The following CSTF3 variants were observed in gnomAD, a reference collection of about 807,000 sequenced individuals.
CSTF3 encodes cleavage stimulation factor subunit 3.
In CSTF3, 29 loss-of-function variants were observed where a neutral mutation model predicts 105.8. The observed-to-expected ratio is 0.27, with a 90% confidence interval of 0.20 to 0.37. The LOEUF is 0.37. CSTF3 is among the 10% of genes least tolerant of loss of function. The pLI, the probability that CSTF3 is intolerant of heterozygous loss-of-function variation, is 1.00. For missense variants in CSTF3, 357 were observed against 879.3 expected, an observed-to-expected ratio of 0.41 and a Z score of 7.51; for synonymous variants, 252 against 281.9, an observed-to-expected ratio of 0.89 and a Z score of 1.06.
In CSTF3 at chr11:33,158,640, T is replaced by C. The variant is rs1354199797; in HGVS notation, c.27+2659A>G. ...AATGAGATCACCCTAAACCAAGTGA[T>C]CAAACTTAACCATCCTAACAGAACC... On this transcript the variant is annotated intron_variant, in intron 1 of 20. Coordinates refer to ENST00000323959, the MANE Select transcript of CSTF3 (RefSeq NM_001326.3). Among the ~76,000 whole-genome samples, 11 of 152,312 alleles carry C rather than the reference T, an allele frequency of 7.2e-5. No individual in the cohort carries two copies. In the East Asian group the frequency reaches 1.7e-3, roughly 24 times the overall value.
chr11:33,093,819 C>T (rs767751230), intron 15 of CSTF3, among the ~76,000 whole-genome samples: 5 of 152,000 alleles, frequency 3.3e-5, no homozygotes, highest in Non-Finnish European at 5.9e-5. Flanking sequence ...GCGATTCTTC[C>T]GCCTCAGCCT....
intron 3 of CSTF3, among the ~76,000 whole-genome samples, chr11:33,135,695 G>T (rs1855646132): frequency 6.6e-6 from 1 of 152,124 alleles, no homozygotes; most frequent in Non-Finnish European, 1.5e-5. Context: ...AAAATGTACA[G>T]TAGTCATAGT....
chr11:33,121,178 A>G (rs1333266355), intron 3 of CSTF3, among the ~76,000 whole-genome samples: 2 of 152,134 alleles, frequency 1.3e-5, no homozygotes, highest in Non-Finnish European at 2.9e-5. Flanking sequence ...AAGTAGACAT[A>G]GCTAACCAAT....
chr11:33,104,136 T>C (rs1159961290), intron 8 of CSTF3, among the ~76,000 whole-genome samples: 1 of 152,162 alleles, frequency 6.6e-6, no homozygotes, highest in East Asian at 1.9e-4. Flanking sequence ...TAATAGCCCT[T>C]TTCTAACTAG....
At chr11:33,130,181 T>G (rs1323021983) in intron 3 of CSTF3, among the ~76,000 whole-genome samples, 2 of 152,146 alleles carry the variant, frequency 1.3e-5, no homozygotes, top group African/African-American at 4.8e-5. Flanking sequence ...AAAAACTTCC[T>G]TTTAGATCAG....
chr11:33,109,236 C>T (rs1473996822), intron 3 of CSTF3, among the ~76,000 whole-genome samples: 2 of 152,138 alleles, frequency 1.3e-5, no homozygotes, highest in African/African-American at 4.8e-5. Context: ...GGGTTAGGTG[C>T]TCAACTGTGT....
In CSTF3 at chr11:33,087,152, A is replaced by G. The variant is rs1855114085; in HGVS notation, c.1642-11T>C. Reference sequence around the variant, plus strand: ...AGCACGGGAGACATCCTGAAAATGCAGAACAGAAGAATCCTAAACCTGAAA... The same window carrying G: ...AGCACGGGAGACATCCTGAAAATGCGGAACAGAAGAATCCTAAACCTGAAA... On this transcript the variant is annotated splice_polypyrimidine_tract_variant and intron_variant, in intron 17 of 20. Transcript: ENST00000323959. 6.2e-7 allele frequency: 1 copy of G among 1,613,616 alleles called. No individual in the cohort carries two copies. The highest frequency in any genetic ancestry group is 1.3e-5 in the African/African-American group (1 of 74,890).
chr11:33,157,221 G>A (rs970521064), intron 1 of CSTF3, among the ~76,000 whole-genome samples: 30 of 152,280 alleles, frequency 2.0e-4, no homozygotes, highest in Non-Finnish European at 2.1e-4. Flanking sequence ...CGGGCATTGT[G>A]GCGTGTGCTT....
rs1345599245 is a variant in CSTF3 at position 33,085,090 on chromosome 11, C to T, written c.2151G>A (p.Arg717=). 3 of 1,614,128 alleles carry T rather than the reference C, an allele frequency of 1.9e-6. No individual in the cohort carries two copies. The highest frequency in any genetic ancestry group is 2.5e-6 in the Non-Finnish European group (3 of 1,179,988). Residue 717 remains arginine, a synonymous_variant, in exon 21 of 21, where the codon CGG becomes CGA. Coordinates refer to ENST00000323959, the MANE Select transcript of CSTF3 (RefSeq NM_001326.3). ...TTCTGCAGAGGCGTTTAAAACCCTA[C>T]CGAATCCGCTTCTGCTGCCGTGCTC... The part of the protein sequence containing the change: ...IYRARQQKRI[R]
At chr11:33,087,192 G>A in intron 17 of CSTF3, 51 bp from the exon 18 acceptor site, 1 of 1,582,194 alleles carries the variant, frequency 6.3e-7, no homozygotes, top group Non-Finnish European at 8.7e-7. Flanking sequence ...GACTACTAGA[G>A]AATAATCATG....
At chr11:33,160,876 AAAT>A (rs1398256998) in intron 1 of CSTF3, among the ~76,000 whole-genome samples, 2 of 152,180 alleles carry the variant, frequency 1.3e-5, no homozygotes, top group Non-Finnish European at 2.9e-5. Flanking sequence ...GCTTTGTCTC[AAAT>A]ATTTCTCAAA....
chr11:33,128,739 TC>T (rs1178673930), intron 3 of CSTF3, among the ~76,000 whole-genome samples: 1 of 152,126 alleles, frequency 6.6e-6, no homozygotes, highest in Non-Finnish European at 1.5e-5. Context: ...GAAGCAAAAT[TC>T]AGCTTAAAAA....
At chr11:33,087,271 C>T in intron 17 of CSTF3, 130 bp from the exon 18 acceptor site, 1 of 892,432 alleles carries the variant, frequency 1.1e-6, no homozygotes, top group Non-Finnish European at 1.7e-6. Context: ...GACGGATAAG[C>T]AAGGACTCTA....
chr11:33,156,242 A>G (rs1849864122), intron 1 of CSTF3, among the ~76,000 whole-genome samples: 1 of 152,194 alleles, frequency 6.6e-6, no homozygotes, highest in Non-Finnish European at 1.5e-5. Flanking sequence ...GCTGTTACAG[A>G]AAGATTTTGG....
chr11:33,128,602 G>C (rs939474095), intron 3 of CSTF3, among the ~76,000 whole-genome samples: 3 of 151,966 alleles, frequency 2.0e-5, no homozygotes, highest in African/African-American at 7.3e-5. Context: ...TCACTGCTTA[G>C]TTACAATTCT....
intron 1 of CSTF3, among the ~76,000 whole-genome samples, chr11:33,144,199 A>G (rs1283491863): frequency 1.3e-5 from 2 of 152,152 alleles, no homozygotes; most frequent in Non-Finnish European, 2.9e-5. Flanking sequence ...AAAGTTTAAA[A>G]AAAGTATCTG....
At chr11:33,154,468 G>A (rs1381483852) in intron 1 of CSTF3, among the ~76,000 whole-genome samples, 2 of 149,850 alleles carry the variant, frequency 1.3e-5, no homozygotes, top group Admixed American at 6.6e-5. Context: ...AAAGTAGACC[G>A]GAGTAGCACT....
chr11:33,131,720 C>T (rs1041178471), intron 3 of CSTF3, among the ~76,000 whole-genome samples: 47 of 151,492 alleles, frequency 3.1e-4, no homozygotes, highest in African/African-American at 1.1e-3. Flanking sequence ...GGAGTGGTGG[C>T]GGGCGCCTGT....
chr11:33,090,473 A>G (rs1855158080), intron 17 of CSTF3, 59 bp downstream of exon 17: 2 of 1,014,794 alleles, frequency 2.0e-6, no homozygotes, highest in Non-Finnish European at 2.7e-6. Context: ...GTTATCAATG[A>G]ACTCTTCTAA....
Sources: gnomAD v4.1 joint callset for allele counts (sites outside exome capture counted in the v4.1 genomes callset) on GRCh38, gnomAD v4.1.1 for gene constraint, MANE v1.5 for transcripts, NCBI Gene and HGNC (gene_info 2026-07-23, HGNC 2026-07-21) for gene names.